REC114: variants seen among roughly 807,000 people sequenced by gnomAD.
REC114 encodes REC114 meiotic recombination protein.
A neutral mutation model predicts 31.3 loss-of-function variants in REC114; 27 were observed. The ratio of observed to expected loss-of-function variants is 0.86; its 90% confidence interval spans 0.64 to 1.19. The LOEUF (loss-of-function observed/expected upper bound fraction) is 1.19, where lower values mean the gene tolerates loss of function less well. REC114 is among the 50% of genes most tolerant of loss of function. The probability of loss-of-function intolerance (pLI) is 0.00; values close to 1 mark genes in which losing one functional copy is unlikely to be tolerated. For missense variants in REC114, 344 were observed against 326.9 expected (o/e 1.05, Z -0.40); for synonymous variants, 134 against 127.7 (o/e 1.05, Z -0.33).
chr15:73,531,596 TAGG>T (rs948624710), intron 2 of REC114, among the ~76,000 whole-genome samples: 4 of 152,168 alleles, frequency 2.6e-5, no homozygotes, highest in African/African-American at 9.6e-5. Context: ...CAAAGTGTGT[TAGG>T]AGGAAATGGG....
rs575063658 is a variant in REC114, at chr15:73,489,495, C to T, written c.249+15574C>T. On this transcript the variant is annotated intron_variant, in intron 2 of 5. Transcript: ENST00000331090. Reference sequence around the variant, plus strand: ...TGTTGGGATTACAGGCGTGAGCCACCACGCCTGGCACCTGGAGCCCTTTCC... The same window carrying T: ...TGTTGGGATTACAGGCGTGAGCCACTACGCCTGGCACCTGGAGCCCTTTCC... Among the ~76,000 whole-genome samples, 159 of 151,948 alleles carry T rather than the reference C, an allele frequency of 1.0e-3. 1 individual carries two copies. Among genetic ancestry groups the T allele is most frequent in the African/African-American group, 3.6e-3 (148 of 41,464 alleles).
Position 73,470,767 on chromosome 15 carries a change from A to AGATG in REC114, c.160-3059_160-3056dup, listed in dbSNP as rs200426431. 7.9e-3 allele frequency among the ~76,000 whole-genome samples: 1,206 copies of AGATG among 152,310 alleles called. 23 individuals are homozygous for AGATG. Among genetic ancestry groups the AGATG allele is most frequent in the African/African-American group, 0.028 (1,152 of 41,566 alleles). ...GTTTAGATAACATGGGGGAGTTTTC[A>AGATG]GATGGATGGTTAGGAAAAGTTTTAC... On this transcript the variant is annotated intron_variant, in intron 1 of 5. Coordinates refer to ENST00000331090, the MANE Select transcript of REC114 (RefSeq NM_001042367.2).
At chr15:73,555,572 A>G (rs1894454697) in intron 4 of REC114, among the ~76,000 whole-genome samples, 1 of 152,138 alleles carries the variant, frequency 6.6e-6, no homozygotes, top group Non-Finnish European at 1.5e-5. Context: ...GTGAACCTCT[A>G]GCACTTCCTG....
In REC114 at chr15:73,465,240, T is replaced by C. The variant is rs564765813; in HGVS notation, c.160-8592T>C. On this transcript the variant is annotated intron_variant, in intron 1 of 5. Transcript: ENST00000331090. ...TAAGGAAAGGTAAATGGCATTTGGA[T>C]TGGATTTGGAAAGAGAAGACTTCAG... is the stretch of plus-strand genomic sequence containing the variant. 8.2e-4 allele frequency among the ~76,000 whole-genome samples: 125 copies of C among 152,276 alleles called. 1 individual carries two copies. The highest frequency in any genetic ancestry group is 2.9e-3 in the African/African-American group (120 of 41,562).
intron 2 of REC114, among the ~76,000 whole-genome samples, chr15:73,498,557 G>A (rs2141306722): frequency 6.6e-6 from 1 of 152,288 alleles, no homozygotes; most frequent in African/African-American, 2.4e-5. Flanking sequence ...GATGGGAACA[G>A]GGAGTAGAAA....
chr15:73,536,604 GC>G (rs1303199300), intron 2 of REC114, among the ~76,000 whole-genome samples: 1 of 152,160 alleles, frequency 6.6e-6, no homozygotes, highest in Non-Finnish European at 1.5e-5. Context: ...AGATGGATAA[GC>G]CTTAAAAGAG....
intron 2 of REC114, among the ~76,000 whole-genome samples, chr15:73,474,240 A>G (rs1893178496): frequency 6.6e-6 from 1 of 152,190 alleles, no homozygotes; most frequent in African/African-American, 2.4e-5. Context: ...AGGGTTTTCC[A>G]GATAGGGAAA....
intron 2 of REC114, among the ~76,000 whole-genome samples, chr15:73,492,667 A>G (rs1893462285): frequency 2.0e-5 from 3 of 152,222 alleles, no homozygotes; most frequent in South Asian, 4.1e-4. Flanking sequence ...ATACTCATCT[A>G]TGAACACACT....
chr15:73,553,036 A>G (rs921962986), intron 4 of REC114, among the ~76,000 whole-genome samples: 3 of 152,104 alleles, frequency 2.0e-5, no homozygotes, highest in Admixed American at 2.0e-4. Context: ...GCTGGTCTCG[A>G]ACTCCTGACC....
chr15:73,487,117 G>A (rs946554275), intron 2 of REC114, among the ~76,000 whole-genome samples: 1 of 152,020 alleles, frequency 6.6e-6, no homozygotes, highest in Admixed American at 6.5e-5. Context: ...ACCTCTTAAA[G>A]GTTCTACTTC....
rs370941071 is a variant in REC114 at position 73,443,218 on chromosome 15, C to T, written c.33C>T (p.Leu11=). Reference sequence around the variant, plus strand: ...AGGCAGGAAAAGTGCCCTTGAGCCTCGGGCTTACCGGAGGAGAAGCGGCAG... The same window carrying T: ...AGGCAGGAAAAGTGCCCTTGAGCCTTGGGCTTACCGGAGGAGAAGCGGCAG... MAEAGKVPLS[L]GLTGGEAAEW... The change falls in exon 1 of 6, where the codon CTC becomes CTT. Residue 11 remains leucine (L), a synonymous_variant. Coordinates refer to ENST00000331090, the MANE Select transcript of REC114 (RefSeq NM_001042367.2). 5 of 1,575,272 alleles carry T rather than the reference C, an allele frequency of 3.2e-6. No individual in the cohort carries two copies. The highest frequency in any genetic ancestry group is 4.3e-6 in the Non-Finnish European group (5 of 1,161,492).
At chr15:73,448,052 T>G (rs2151249912) in intron 1 of REC114, among the ~76,000 whole-genome samples, 1 of 151,858 alleles carries the variant, frequency 6.6e-6, no homozygotes, top group East Asian at 1.9e-4. Flanking sequence ...AGCACAAAAC[T>G]GGGTGGCCAT....
At chr15:73,514,417 G>A (rs1305573443) in intron 2 of REC114, among the ~76,000 whole-genome samples, 1 of 151,980 alleles carries the variant, frequency 6.6e-6, no homozygotes. Context: ...CGTCGCTCAC[G>A]CTGGGAGCTG....
intron 2 of REC114, among the ~76,000 whole-genome samples, chr15:73,531,519 C>T (rs1172554763): frequency 6.6e-6 from 1 of 152,104 alleles, no homozygotes; most frequent in Non-Finnish European, 1.5e-5. Context: ...TGTGGCGCCC[C>T]ATCTTGGTGG....
At chr15:73,531,768 G>C (rs1894085929) in intron 2 of REC114, among the ~76,000 whole-genome samples, 1 of 152,086 alleles carries the variant, frequency 6.6e-6, no homozygotes, top group South Asian at 2.1e-4. Context: ...CCATTGCAGG[G>C]CACAGCACCT....
At chr15:73,490,538 A>G (rs115175252) in intron 2 of REC114, among the ~76,000 whole-genome samples, 1,740 of 152,202 alleles carry the variant, frequency 0.011, 30 homozygotes, top group African/African-American at 0.04. Flanking sequence ...ATGAGACCCT[A>G]TCTGTACAAA....
chr15:73,492,035 G>A (rs1194262776), intron 2 of REC114, among the ~76,000 whole-genome samples: 1 of 152,100 alleles, frequency 6.6e-6, no homozygotes, highest in African/African-American at 2.4e-5. Flanking sequence ...GTGTGCAGTG[G>A]CATGTCATTG....
intron 1 of REC114, among the ~76,000 whole-genome samples, chr15:73,467,463 C>A (rs961697702): frequency 4.6e-5 from 7 of 152,200 alleles, no homozygotes; most frequent in African/African-American, 1.7e-4. Context: ...TTCACACTTG[C>A]TCCATTAGGA....
intron 2 of REC114, among the ~76,000 whole-genome samples, chr15:73,476,050 G>T (rs969703613): frequency 1.3e-5 from 2 of 152,084 alleles, no homozygotes; most frequent in Non-Finnish European, 2.9e-5. Flanking sequence ...GCTATCCCAC[G>T]TGACCCACAT....
Sources: gnomAD v4.1 joint callset for allele counts (sites outside exome capture counted in the v4.1 genomes callset) on GRCh38, gnomAD v4.1.1 for gene constraint, MANE v1.5 for transcripts, NCBI Gene and HGNC (gene_info 2026-07-23, HGNC 2026-07-21) for gene names.